Variants in FUT9 observed in about 807,000 individuals in gnomAD.
The protein encoded by FUT9 is 4-galactosyl-N-acetylglucosaminide 3-alpha-L-fucosyltransferase 9.
FUT9 carries 15 observed loss-of-function variants against 29.7 expected under a neutral mutation model. The observed-to-expected ratio is 0.51, with a 90% CI of 0.34 to 0.78. FUT9 has a LOEUF of 0.78. Ranked by LOEUF, FUT9 falls within the 30% of genes least tolerant of loss-of-function variation. The pLI is 0.01. For synonymous variants in FUT9, 169 were observed against 153.7 expected, an observed-to-expected ratio of 1.10 and a Z score of -0.74; for missense variants, 319 against 425.4, an observed-to-expected ratio of 0.75 and a Z score of 2.20.
intron 1 of FUT9, among the ~76,000 whole-genome samples, chr6:96,097,610 T>C (rs1207081730): frequency 1.3e-5 from 1 of 76,534 alleles, no homozygotes; most frequent in Non-Finnish European, 3.3e-5. Context: ...TCGATAACTT[T>C]CAATGAACAT....
chr6:96,059,439 A>C (rs920580215), intron 1 of FUT9, among the ~76,000 whole-genome samples: 5 of 152,206 alleles, frequency 3.3e-5, no homozygotes, highest in Admixed American at 1.3e-4. Flanking sequence ...GTTTTACTTT[A>C]AAGCAGTGAT....
At chr6:96,176,280 CCCCT>C (rs1220786392) in intron 2 of FUT9, among the ~76,000 whole-genome samples, 49 of 152,180 alleles carry the variant, frequency 3.2e-4, no homozygotes, top group African/African-American at 1.1e-3. Flanking sequence ...TCTAGTTAAT[CCCCT>C]CCTATTTATA....
intron 2 of FUT9, among the ~76,000 whole-genome samples, chr6:96,201,982 C>G (rs920220002): frequency 1.3e-5 from 2 of 151,354 alleles, no homozygotes; most frequent in African/African-American, 4.9e-5. Flanking sequence ...TAATTTCTCC[C>G]GTTTTTTGGA....
At chr6:96,055,784 A>T (rs1179021513) in intron 1 of FUT9, among the ~76,000 whole-genome samples, 1 of 146,932 alleles carries the variant, frequency 6.8e-6, no homozygotes, top group Non-Finnish European at 1.5e-5. Flanking sequence ...GCCTCAAGTG[A>T]TCTGCCTGCC....
At chr6:96,094,863 T>A (rs571971365) in intron 1 of FUT9, among the ~76,000 whole-genome samples, 2 of 152,202 alleles carry the variant, frequency 1.3e-5, no homozygotes, top group African/African-American at 4.8e-5. Flanking sequence ...GTTATTTCAA[T>A]AGGTTTTTGG....
chr6:96,081,439 A>G (rs1771235613), intron 1 of FUT9, among the ~76,000 whole-genome samples: 1 of 151,850 alleles, frequency 6.6e-6, no homozygotes, highest in South Asian at 2.1e-4. Flanking sequence ...TCTTGATTGT[A>G]GATTCACCTA....
intron 2 of FUT9, among the ~76,000 whole-genome samples, chr6:96,181,071 C>G (rs1012412131): frequency 2.6e-5 from 4 of 151,884 alleles, no homozygotes; most frequent in African/African-American, 9.7e-5. Context: ...TAGATCTATA[C>G]AGTAAAGGCT....
chr6:96,068,240 G>T (rs941588989), intron 1 of FUT9, among the ~76,000 whole-genome samples: 30 of 152,028 alleles, frequency 2.0e-4, no homozygotes, highest in Admixed American at 2.0e-3. Flanking sequence ...AGCTTGGCTT[G>T]CCCAAGAGGA....
At chr6:96,037,648 G>A (rs1770386418) in intron 1 of FUT9, among the ~76,000 whole-genome samples, 2 of 151,128 alleles carry the variant, frequency 1.3e-5, no homozygotes, top group South Asian at 2.1e-4. Flanking sequence ...ATAAAACTCT[G>A]CAAATGCTTA....
At chr6:96,157,189 T>C (rs1772801846) in intron 2 of FUT9, among the ~76,000 whole-genome samples, 3 of 152,326 alleles carry the variant, frequency 2.0e-5, no homozygotes, top group South Asian at 4.1e-4. Context: ...TTTGAGTCTA[T>C]GTAATATGAT....
chr6:96,020,597 G>A (rs1043989738), intron 1 of FUT9, among the ~76,000 whole-genome samples: 11 of 147,678 alleles, frequency 7.4e-5, no homozygotes, highest in South Asian at 2.1e-4. Flanking sequence ...CATCATTACT[G>A]CGTAAAAAAA....
intron 1 of FUT9, among the ~76,000 whole-genome samples, chr6:96,027,207 T>C (rs1482939395): frequency 2.0e-5 from 3 of 151,646 alleles, no homozygotes; most frequent in Non-Finnish European, 4.4e-5. Flanking sequence ...TTTTATACTT[T>C]TAGACATTGA....
chr6:96,018,708 T>C (rs72924127), intron 1 of FUT9, among the ~76,000 whole-genome samples: 2,782 of 152,210 alleles, frequency 0.018, 31 homozygotes, highest in Middle Eastern at 0.031. Context: ...GGAAATTATA[T>C]AGATTATTCC....
At chr6:96,041,205 T>C (rs1225667964) in intron 1 of FUT9, among the ~76,000 whole-genome samples, 1 of 151,820 alleles carries the variant, frequency 6.6e-6, no homozygotes, top group Non-Finnish European at 1.5e-5. Context: ...ACAGGGTTTA[T>C]GTGTCCACAA....
intron 1 of FUT9, among the ~76,000 whole-genome samples, chr6:96,085,446 T>C (rs1043356201): frequency 6.6e-6 from 1 of 152,208 alleles, no homozygotes; most frequent in African/African-American, 2.4e-5. Flanking sequence ...TTCCCAAGCG[T>C]AGAGCACTCA....
rs548165417 is a variant in FUT9 at position 96,204,663 on chromosome 6, G to A, written c.*428G>A. The A allele has an allele frequency of 6.0e-6, 1 of 167,422 alleles. No individual in the cohort carries two copies. Among genetic ancestry groups the A allele is most frequent in the African/African-American group, 2.4e-5 (1 of 41,578 alleles). 10.4% of individuals were successfully genotyped at this position (167,422 alleles called of 1,614,324 possible). A position where few individuals can be genotyped will look rare whatever the true frequency, so the allele number is the denominator to read the frequency against. Reference sequence around the variant, plus strand: ...AGTTCCAACTTTGCATACTATAACAGAGGAAGAACATGTTGCGATTGAATT... The same window carrying A: ...AGTTCCAACTTTGCATACTATAACAAAGGAAGAACATGTTGCGATTGAATT... On this transcript the variant is annotated 3_prime_UTR_variant, in exon 3 of 3. Transcript: ENST00000302103.
At chr6:96,086,794 T>A (rs374035550) in intron 1 of FUT9, among the ~76,000 whole-genome samples, 11 of 152,160 alleles carry the variant, frequency 7.2e-5, no homozygotes, top group African/African-American at 2.7e-4. Context: ...ATTTTCTCAG[T>A]TAGTTAATAT....
At chr6:96,178,673 AT>A (rs975383113) in intron 2 of FUT9, among the ~76,000 whole-genome samples, 1 of 152,064 alleles carries the variant, frequency 6.6e-6, no homozygotes, top group African/African-American at 2.4e-5. Flanking sequence ...ATAATCCATC[AT>A]TTTTAGAATT....
intron 1 of FUT9, among the ~76,000 whole-genome samples, chr6:96,042,452 A>G (rs1357947702): frequency 1.3e-5 from 2 of 152,190 alleles, no homozygotes; most frequent in Non-Finnish European, 2.9e-5. Context: ...CCCACTACCT[A>G]AATTCTGTAA....
Sources: allele counts gnomAD v4.1 joint callset (sites outside exome capture counted in the v4.1 genomes callset), GRCh38; gene constraint gnomAD v4.1.1; transcripts MANE v1.5; gene names NCBI Gene and HGNC (gene_info 2026-07-23, HGNC 2026-07-21).